NLRC3: variants seen among roughly 807,000 people sequenced by gnomAD.
NLRC3 encodes the protein NLR family CARD domain containing 3.
In NLRC3, 87 loss-of-function variants were observed where a neutral mutation model predicts 91.6. The ratio of observed to expected loss-of-function variants is 0.95; its 90% CI spans 0.80 to 1.14. The LOEUF (loss-of-function observed/expected upper bound fraction) is 1.14, where lower values mean the gene tolerates loss of function less well. NLRC3 is among the 50% of genes most tolerant of loss of function. NLRC3 has a pLI of 0.00. For missense variants in NLRC3, 1,577 were observed against 1,418.6 expected, an observed-to-expected ratio of 1.11 and a Z score of -1.79; for synonymous variants, 694 against 625.3, an observed-to-expected ratio of 1.11 and a Z score of -1.64.
chr16:3,551,488 C>T (rs777857116), intron 10 of NLRC3, among the ~76,000 whole-genome samples: 1 of 151,936 alleles, frequency 6.6e-6, no homozygotes, highest in Non-Finnish European at 1.5e-5. Flanking sequence ...CCCATCCATC[C>T]ATCCCTCCAT....
chr16:3,552,321 C>A (rs778598235), intron 9 of NLRC3, 42 bp from the exon 10 acceptor site: 11 of 1,398,946 alleles, frequency 7.9e-6, no homozygotes, highest in Non-Finnish European at 1.1e-5. Context: ...AGGCTGGTCA[C>A]AGCCATTCCC....
Position 3,543,521 on chromosome 16 carries a change from G to T in NLRC3, c.2856-13C>A. The T allele has an allele frequency of 6.2e-7, 1 of 1,606,494 alleles. No homozygotes were observed. On this transcript the variant is annotated splice_polypyrimidine_tract_variant and intron_variant, in intron 16 of 19. Transcript: ENST00000359128. ...GGCCACCTGGAGACTGGGGCGGAGA[G>T]GGTGCCGTCAGTGTGAGCCGGCTGG...
At chr16:3,545,878 C>T (rs541959130) in intron 15 of NLRC3, 2 of 152,486 alleles carry the variant, frequency 1.3e-5, no homozygotes, top group Non-Finnish European at 2.9e-5. Flanking sequence ...GTACTTTACT[C>T]TGCAGGCCCT....
chr16:3,572,008 A>G (rs2040114884), intron 1 of NLRC3, among the ~76,000 whole-genome samples: 1 of 151,822 alleles, frequency 6.6e-6, no homozygotes, highest in South Asian at 2.1e-4. Flanking sequence ...AAGAAAAACT[A>G]TAAGCCAGGA....
At chr16:3,549,375 C>G (rs541406839) in intron 12 of NLRC3, 150 bp from the exon 13 acceptor site, 269 of 680,292 alleles carry the variant, frequency 4.0e-4, no homozygotes, top group Non-Finnish European at 6.3e-4. Context: ...GTGAAGGAGC[C>G]AGTGCTAGTG....
chr16:3,564,542 G>C lies in NLRC3; in HGVS notation c.395C>G (p.Ser132Cys). 6.2e-7 allele frequency: 1 copy of C among 1,612,120 alleles called. No homozygotes were observed. Among genetic ancestry groups the C allele is most frequent in the Non-Finnish European group, 8.5e-7 (1 of 1,179,664 alleles). Residue 132 changes from serine (S) to cysteine (C), a missense_variant, in exon 5 of 20, where the codon TCC (serine) becomes TGC (cysteine). Ser to Cys is a moderately radical substitution (Grantham distance 112). Transcript: ENST00000359128. The surrounding 1 kb of genome is among the most constrained non-coding windows in gnomAD (Gnocchi z 5.9). ...GACCCGGGGTGGGACAGACACCCGG[G>C]AGAGAGGCAGGAAGAGCCGGTCCAG... Reference protein sequence around the residue: ...VALDRLFLPLSRVSVPPRVSI... With the variant: ...VALDRLFLPLCRVSVPPRVSI...
intron 10 of NLRC3, among the ~76,000 whole-genome samples, chr16:3,551,981 T>TCATTCATC (rs113120190): frequency 2.0e-5 from 3 of 147,352 alleles, no homozygotes; most frequent in Non-Finnish European, 4.5e-5. Context: ...ATCCCTTCAT[T>TCATTCATC]CATCCATCCA....
intron 6 of NLRC3, among the ~76,000 whole-genome samples, chr16:3,558,265 A>C (rs2039444696): frequency 6.6e-6 from 1 of 152,168 alleles, no homozygotes; most frequent in African/African-American, 2.4e-5. Flanking sequence ...TAGAAGGTTG[A>C]GGCTGCAATG....
rs1473202595 is a variant in NLRC3, at chr16:3,564,482, G to A, written c.455C>T (p.Thr152Ile). 2 of 1,612,582 alleles carry A rather than the reference G, an allele frequency of 1.2e-6. No homozygotes were observed. The highest frequency in any genetic ancestry group is 4.5e-5 in the East Asian group (2 of 44,870). ...GCGGACGAAGTGCCTCACCAGGGTGGTCTTGCCCATGCCGGCCACCCCGAT... is the reference window on the plus strand; with the variant it reads ...GCGGACGAAGTGCCTCACCAGGGTGATCTTGCCCATGCCGGCCACCCCGAT... ...ITIGVAGMGK[T>I]TLVRHFVRLW... Residue 152 changes from threonine (T) to isoleucine (I), a missense_variant, in exon 5 of 20, where the codon ACC becomes ATC. Physicochemically the swap from Thr to Ile is moderately conservative, Grantham distance 89 (BLOSUM62 -1). Coordinates refer to ENST00000359128, the MANE Select transcript of NLRC3 (RefSeq NM_178844.4). The surrounding 1 kb of genome is among the most constrained non-coding windows in gnomAD (Gnocchi z 5.9).
At chr16:3,560,811 C>A (rs928030416) in intron 6 of NLRC3, among the ~76,000 whole-genome samples, 8 of 151,674 alleles carry the variant, frequency 5.3e-5, no homozygotes, top group East Asian at 2.0e-4. Context: ...AGGCGCCCAC[C>A]ACCACGCCCG....
chr16:3,543,120 C>T, intron 17 of NLRC3: 2 of 485,754 alleles, frequency 4.1e-6, no homozygotes, highest in Non-Finnish European at 7.5e-6. Flanking sequence ...GCCTGAGCCT[C>T]AGAGCTGTAA....
At chr16:3,562,507 G>A (rs149025486) in intron 5 of NLRC3, among the ~76,000 whole-genome samples, 1 of 152,200 alleles carries the variant, frequency 6.6e-6, no homozygotes, top group South Asian at 2.1e-4. Flanking sequence ...CAGGCATGAT[G>A]GCGGGCACCT....
rs940605255 is a variant in NLRC3 at position 3,540,029 on chromosome 16, G to T, written c.*1796C>A. ...TTTTTGACAAGAATACATCAGAGAC[G>T]ACTCCGTGGTGCATCAGACTGGGGG... is the stretch of plus-strand genomic sequence containing the variant. On this transcript the variant is annotated 3_prime_UTR_variant, in exon 20 of 20. Transcript: ENST00000359128. 1 of 152,202 alleles carries T rather than the reference G, an allele frequency of 6.6e-6. No homozygotes were observed. Among genetic ancestry groups the T allele is most frequent in the Non-Finnish European group, 1.5e-5 (1 of 68,028 alleles). The allele number at this position is 152,202 out of a possible 1,614,324, so 9.4% of individuals were successfully genotyped here.
At chr16:3,549,328 CG>C in intron 12 of NLRC3, 103 bp from the exon 13 acceptor site, 1 of 841,998 alleles carries the variant, frequency 1.2e-6, no homozygotes, top group Non-Finnish European at 2.0e-6. Context: ...AAACTGCAGG[CG>C]GGGGACCTAG....
Position 3,564,223 on chromosome 16 carries a change from G to C in NLRC3, c.714C>G (p.Asp238Glu). ...GGTCCACCGGGATCTCCTTCTTTGG[G>C]TCCGTGCAGGCCACGGTGTTGGAGA... is the stretch of plus-strand genomic sequence containing the variant. ...LDFSNTVACT[D>E]PKKEIPVDHL... The change falls in exon 5 of 20, where the codon GAC (aspartate) becomes GAG (glutamate). Residue 238 changes from aspartate to glutamate, a missense_variant. Transcript: ENST00000359128. The surrounding 1 kb of genome is among the most constrained non-coding windows in gnomAD (Gnocchi z 5.9). 1 of 1,613,256 alleles carries C rather than the reference G, an allele frequency of 6.2e-7. No homozygotes were observed. The highest frequency in any genetic ancestry group is 8.5e-7 in the Non-Finnish European group (1 of 1,179,870).
chr16:3,548,019 G>A, intron 15 of NLRC3, 116 bp downstream of exon 15: 1 of 689,216 alleles, frequency 1.5e-6, no homozygotes, highest in Non-Finnish European at 2.5e-6. Context: ...GCTGGCCTTA[G>A]GGAAGAGGAG....
Position 3,563,024 on chromosome 16 carries a change from T to A in NLRC3, c.1913A>T (p.Tyr638Phe). Residue 638 changes from tyrosine (Y) to phenylalanine (F), a missense_variant, in exon 5 of 20, where the codon TAC becomes TTC. Physicochemically the swap from Tyr to Phe is conservative, Grantham distance 22 (BLOSUM62 3). Transcript: ENST00000359128. The part of the protein sequence containing the change: ...VLQSLLPQLL[Y>F]CRKLRLDTNQ... ...TGGTATCCACCTGAGCTTCCGGCAG[T>A]AGAGCAGCTGGGGCAGCAGGCTCTG... 1 of 1,554,420 alleles carries A rather than the reference T, an allele frequency of 6.4e-7. No individual in the cohort carries two copies. Among genetic ancestry groups the A allele is most frequent in the Non-Finnish European group, 8.7e-7 (1 of 1,149,532 alleles).
In NLRC3 at chr16:3,563,770, C is replaced by T; in HGVS notation, c.1167G>A (p.Val389=). 1.2e-6 allele frequency: 2 copies of T among 1,613,202 alleles called. No homozygotes were observed. The highest frequency in any genetic ancestry group is 2.2e-5 in the East Asian group (1 of 44,864). The change falls in exon 5 of 20, where the codon GTG becomes GTA. Residue 389 remains valine (V), a synonymous_variant. Coordinates refer to ENST00000359128, the MANE Select transcript of NLRC3 (RefSeq NM_178844.4). ...KGKASPRIEQ[V]AHGGRKMVGT... is the part of the protein sequence containing the mutation. Reference sequence around the variant, plus strand: ...CCACCATCTTGCGGCCACCATGGGCCACCTGCTCGATGCGAGGGCTTGCCT... The same window carrying T: ...CCACCATCTTGCGGCCACCATGGGCTACCTGCTCGATGCGAGGGCTTGCCT...
chr16:3,543,360 C>G, intron 17 of NLRC3, 65 bp downstream of exon 17: 1 of 1,102,664 alleles, frequency 9.1e-7, no homozygotes, highest in Non-Finnish European at 1.4e-6. Context: ...GTCCCCATAT[C>G]TATTCATTGA....
Sources: gnomAD v4.1 joint callset for allele counts (sites outside exome capture counted in the v4.1 genomes callset) on GRCh38, gnomAD v4.1.1 for gene constraint, Gnocchi (gnomAD v3.1) non-coding constraint, MANE v1.5 for transcripts, NCBI Gene and HGNC (gene_info 2026-07-23, HGNC 2026-07-21) for gene names.